HOXA3: variants seen among roughly 807,000 people sequenced by gnomAD.
HOXA3 encodes homeobox protein Hox-A3.
Under a neutral mutation model 30.3 loss-of-function variants are expected in HOXA3, and 8 were observed. That is an observed-to-expected ratio of 0.26 (90% CI 0.15 to 0.48). The LOEUF is 0.48. Ranked by LOEUF, HOXA3 falls within the 20% of genes least tolerant of loss-of-function variation. The probability of loss-of-function intolerance (pLI) is 0.99; values close to 1 mark genes in which losing one functional copy is unlikely to be tolerated. For synonymous variants in HOXA3, 323 were observed against 273.1 expected (o/e 1.18, Z -1.80); for missense variants, 653 against 614.4 (o/e 1.06, Z -0.66).
Position 27,140,198 on chromosome 7 carries a change from T to C in HOXA3, c.-493-12A>G, listed in dbSNP as rs1782515394. ...GCGGCACACGTAGCCTGCAAAAGAG[T>C]CAAATGGAGTCCAGCGTTAGTGAGA... On this transcript the variant is annotated splice_polypyrimidine_tract_variant and intron_variant, in intron 1 of 5. Coordinates refer to ENST00000612286, the MANE Select transcript of HOXA3 (RefSeq NM_153631.3). 6.6e-6 allele frequency: 1 copy of C among 151,918 alleles called. No individual in the cohort carries two copies. Among genetic ancestry groups the C allele is most frequent in the South Asian group, 2.1e-4 (1 of 4,800 alleles). The allele number at this position is 151,918 out of a possible 1,614,324, so 9.4% of individuals were successfully genotyped here.
chr7:27,146,680 T>G (rs1217263840), intron 1 of HOXA3, among the ~76,000 whole-genome samples: 1 of 151,870 alleles, frequency 6.6e-6, no homozygotes, highest in Non-Finnish European at 1.5e-5. Flanking sequence ...CCAAGGGTGG[T>G]GGGGGGTCCC....
chr7:27,110,027 G>C, intron 5 of HOXA3, 88 bp downstream of exon 5: 1 of 1,490,446 alleles, frequency 6.7e-7, no homozygotes. Context: ...ATGCTCCATC[G>C]CTCCTAGGCT....
chr7:27,145,067 G>A (rs1352719179), intron 1 of HOXA3, among the ~76,000 whole-genome samples: 2 of 152,226 alleles, frequency 1.3e-5, no homozygotes, highest in Admixed American at 6.5e-5. Context: ...GAGAGACTGG[G>A]CTCTGTTGGG....
At chr7:27,109,788 G>A (rs1175173378) in intron 5 of HOXA3, among the ~76,000 whole-genome samples, 1 of 152,206 alleles carries the variant, frequency 6.6e-6, no homozygotes, top group African/African-American at 2.4e-5. Context: ...GTGCTAAAAA[G>A]ATAGACAGTG....
intron 4 of HOXA3, among the ~76,000 whole-genome samples, chr7:27,118,874 C>T (rs535418745): frequency 7.9e-5 from 12 of 152,246 alleles, no homozygotes; most frequent in African/African-American, 2.4e-4. Flanking sequence ...ACACTACAGA[C>T]GCAAGAAACA....
intron 2 of HOXA3, among the ~76,000 whole-genome samples, chr7:27,131,467 T>C (rs1447056809): frequency 6.6e-6 from 1 of 152,244 alleles, no homozygotes; most frequent in Non-Finnish European, 1.5e-5. Context: ...AGGATGTAAA[T>C]CGAGGCCATT....
At chr7:27,133,913 G>A (rs1048033536) in intron 2 of HOXA3, among the ~76,000 whole-genome samples, 1 of 152,218 alleles carries the variant, frequency 6.6e-6, no homozygotes, top group Non-Finnish European at 1.5e-5. Context: ...CTGACCTGAA[G>A]TTCACCTCGG....
Position 27,139,857 on chromosome 7 carries a change from A to C in HOXA3, c.-390+226T>G, listed in dbSNP as rs984155097. On this transcript the variant is annotated intron_variant, in intron 2 of 5. Coordinates refer to ENST00000612286, the MANE Select transcript of HOXA3 (RefSeq NM_153631.3). ...TAACATCCGCGGTTGTGCTGCAATT[A>C]AAGTTAGGCCTGGGGATGCGGCGCG... 2.0e-5 allele frequency among the ~76,000 whole-genome samples: 3 copies of C among 152,100 alleles called. 1 individual carries two copies. The highest frequency in any genetic ancestry group is 7.2e-5 in the African/African-American group (3 of 41,400).
intron 1 of HOXA3, chr7:27,143,810 G>T: frequency 1.0e-6 from 1 of 975,006 alleles, no homozygotes; most frequent in Non-Finnish European, 1.4e-6. Flanking sequence ...ACCTCTAGAG[G>T]TAAACTCGTG....
At chr7:27,148,210 T>A (rs561567189) in intron 1 of HOXA3, among the ~76,000 whole-genome samples, 1 of 152,378 alleles carries the variant, frequency 6.6e-6, no homozygotes, top group East Asian at 1.9e-4. Flanking sequence ...ACAGGAAACC[T>A]GAAGGTCCTG....
chr7:27,111,513 T>TGTGTGTGTGTGTGTG (rs1554336191), intron 4 of HOXA3, among the ~76,000 whole-genome samples: 5 of 148,598 alleles, frequency 3.4e-5, no homozygotes, highest in East Asian at 2.0e-4. Flanking sequence ...TGTGTGTGTG[T>TGTGTGTGTGTGTGTG]TTAGGGTGAG....
chr7:27,147,342 AACCGGGCTCGTGT>A, intron 1 of HOXA3: 1 of 1,614,040 alleles, frequency 6.2e-7, no homozygotes, highest in Non-Finnish European at 8.5e-7. Flanking sequence ...TCCAAGGGTA[AACCGGGCTCGTGT>A]ACTTCCGGTC....
chr7:27,118,802 G>A (rs1784865374), intron 4 of HOXA3, among the ~76,000 whole-genome samples: 1 of 152,184 alleles, frequency 6.6e-6, no homozygotes, highest in Non-Finnish European at 1.5e-5. Context: ...GAAATAACTG[G>A]CCTGGACAGC....
intron 1 of HOXA3, chr7:27,143,611 T>C: frequency 6.3e-7 from 1 of 1,589,286 alleles, no homozygotes; most frequent in Non-Finnish European, 8.6e-7. Context: ...AGCTCATTTG[T>C]TTTTTGATAT....
intron 1 of HOXA3, among the ~76,000 whole-genome samples, chr7:27,146,750 A>C (rs1782780995): frequency 6.6e-6 from 1 of 152,040 alleles, no homozygotes; most frequent in South Asian, 2.1e-4. Flanking sequence ...GTTGGCTAAG[A>C]GTGGGCAGTT....
chr7:27,116,171 T>A (rs923375306), intron 4 of HOXA3: 1 of 152,616 alleles, frequency 6.6e-6, no homozygotes, highest in Non-Finnish European at 1.5e-5. Context: ...CAAATCCCCG[T>A]GGCTCCCGAT....
In HOXA3 at chr7:27,130,841, G is replaced by C. The variant is rs1263860086; in HGVS notation, c.-389-3771C>G. 19 of 1,070,334 alleles carry C rather than the reference G, an allele frequency of 1.8e-5. No individual in the cohort carries two copies. In the African/African-American group the frequency reaches 3.7e-4, roughly 21 times the overall value. 66.3% of individuals were successfully genotyped at this position (1,070,334 alleles called of 1,614,324 possible). On this transcript the variant is annotated intron_variant, in intron 2 of 5. Coordinates refer to ENST00000612286, the MANE Select transcript of HOXA3 (RefSeq NM_153631.3). Reference sequence around the variant, plus strand: ...CGCTTCCCATCCCCCTTTCCTCTGCGCCCTTCCCCTCCCCCCGCTGTCAAG... The same window carrying C: ...CGCTTCCCATCCCCCTTTCCTCTGCCCCCTTCCCCTCCCCCCGCTGTCAAG...
rs766474237 is a variant in HOXA3 at position 27,129,268 on chromosome 7, T to C, written c.-389-2198A>G. On this transcript the variant is annotated intron_variant, in intron 2 of 5. Transcript: ENST00000612286. ...GGGTGTGGAGGTGCTCGGGTGGGGGTGGGGATGGAGGTGTGGGCTCTGAGT... is the reference window on the plus strand; with the variant it reads ...GGGTGTGGAGGTGCTCGGGTGGGGGCGGGGATGGAGGTGTGGGCTCTGAGT... 31 of 1,495,414 alleles carry C rather than the reference T, an allele frequency of 2.1e-5. No homozygotes were observed. Among genetic ancestry groups the C allele is most frequent in the Middle Eastern group, 3.5e-4 (2 of 5,754 alleles). The allele number at this position is 1,495,414 out of a possible 1,614,324, so 92.6% of individuals were successfully genotyped here. A position where few individuals can be genotyped will look rare whatever the true frequency, so the allele number is the denominator to read the frequency against.
Position 27,152,398 on chromosome 7 carries a change from A to G in HOXA3, c.-604T>C, listed in dbSNP as rs1783006747. On this transcript the variant is annotated 5_prime_UTR_variant, in exon 1 of 6. Transcript: ENST00000612286. The stretch of plus-strand genomic sequence containing the variant: ...TGCCAGAGGACGCAGGAAATTAGCC[A>G]GGTTGCGAGTTGCAAAGCTGCTGCC... The G allele has an allele frequency of 8.5e-7, 1 of 1,172,762 alleles. No homozygotes were observed. The highest frequency in any genetic ancestry group is 1.1e-6 in the Non-Finnish European group (1 of 931,480). The allele number at this position is 1,172,762 out of a possible 1,614,324, so 72.6% of individuals were successfully genotyped here.
Sources: gnomAD v4.1 joint callset for allele counts (sites outside exome capture counted in the v4.1 genomes callset) on GRCh38, gnomAD v4.1.1 for gene constraint, MANE v1.5 for transcripts, NCBI Gene and HGNC (gene_info 2026-07-23, HGNC 2026-07-21) for gene names.